The following PRORP variants were observed in gnomAD, a reference collection of about 807,000 sequenced individuals.
PRORP encodes the protein protein only RNase P catalytic subunit.
Under a neutral mutation model 59.4 loss-of-function variants are expected in PRORP, and 51 were observed. The ratio of observed to expected loss-of-function variants is 0.86; its 90% CI spans 0.69 to 1.08. The LOEUF (loss-of-function observed/expected upper bound fraction) is 1.08, where lower values mean the gene tolerates loss of function less well. Among genes scored for constraint, PRORP ranks in the 50% least tolerant of loss-of-function variants. PRORP has a pLI of 0.00. For missense variants in PRORP, 646 were observed against 690.3 expected (o/e 0.94, Z 0.72); for synonymous variants, 231 against 245.6 (o/e 0.94, Z 0.55).
chr14:35,124,237 T>G lies in PRORP; in HGVS notation c.986+6T>G. The G allele has an allele frequency of 6.6e-7, 1 of 1,517,254 alleles. No individual in the cohort carries two copies. The highest frequency in any genetic ancestry group is 8.8e-7 in the Non-Finnish European group (1 of 1,136,994). The allele number at this position is 1,517,254 out of a possible 1,614,324, so 94.0% of individuals were successfully genotyped here. A position where few individuals can be genotyped will look rare whatever the true frequency, so the allele number is the denominator to read the frequency against. On this transcript the variant is annotated splice_donor_region_variant and intron_variant, in intron 2 of 7. Coordinates refer to ENST00000534898, the MANE Select transcript of PRORP (RefSeq NM_014672.4). ...ATAAAAACATGGTTTGAGAGGTAATTTTGGTTTTTTTATATGTATGTTTTT... is the reference window on the plus strand; with the variant it reads ...ATAAAAACATGGTTTGAGAGGTAATGTTGGTTTTTTTATATGTATGTTTTT...
rs1210605585 is a variant in PRORP at position 35,180,534 on chromosome 14, G to T, written c.1168-136G>T. 2.6e-5 allele frequency: 16 copies of T among 603,980 alleles called. No individual in the cohort carries two copies. The Admixed American group carries it at 3.2e-4, about 12-fold the overall frequency. The allele number at this position is 603,980 out of a possible 1,614,324, so 37.4% of individuals were successfully genotyped here. Reference sequence around the variant, plus strand: ...TTTCATTTGTAGAGTATCTGTGTGTGTGTGTGTGTGTGTGTGTATTTTTAA... The same window carrying T: ...TTTCATTTGTAGAGTATCTGTGTGTTTGTGTGTGTGTGTGTGTATTTTTAA... On this transcript the variant is annotated intron_variant, in intron 4 of 7. Coordinates refer to ENST00000534898, the MANE Select transcript of PRORP (RefSeq NM_014672.4).
chr14:35,262,975 G>C (rs546758660), intron 5 of PRORP: 170 of 1,598,634 alleles, frequency 1.1e-4, no homozygotes, highest in Non-Finnish European at 1.4e-4. Flanking sequence ...AAGGATATCA[G>C]GAAATTTTTG....
intron 4 of PRORP, among the ~76,000 whole-genome samples, chr14:35,175,011 C>T (rs532698537): frequency 3.3e-5 from 5 of 150,792 alleles, no homozygotes; most frequent in African/African-American, 2.4e-5. Flanking sequence ...TCTGTCCTTG[C>T]AATAGTTTGC....
chr14:35,145,586 G>A (rs2047584257), intron 4 of PRORP, among the ~76,000 whole-genome samples: 1 of 140,522 alleles, frequency 7.1e-6, no homozygotes, highest in South Asian at 2.4e-4. Flanking sequence ...TGGGCATGGT[G>A]GCATGCGTCT....
intron 5 of PRORP, among the ~76,000 whole-genome samples, chr14:35,247,657 T>G (rs1210245179): frequency 6.6e-6 from 1 of 152,174 alleles, no homozygotes; most frequent in East Asian, 1.9e-4. Context: ...CCTAGAACCC[T>G]AGGGTGAATT....
At chr14:35,258,021 GT>G (rs1485968347) in intron 5 of PRORP, among the ~76,000 whole-genome samples, 1 of 150,676 alleles carries the variant, frequency 6.6e-6, no homozygotes, top group Non-Finnish European at 1.5e-5. Flanking sequence ...CTTTTCATCA[GT>G]TTTATGCCAA....
At chr14:35,135,829 G>A (rs2047357708) in intron 4 of PRORP, among the ~76,000 whole-genome samples, 1 of 151,974 alleles carries the variant, frequency 6.6e-6, no homozygotes, top group African/African-American at 2.4e-5. Flanking sequence ...GTGGTGGCGT[G>A]CACCTGTAGT....
chr14:35,270,494 C>T lies in PRORP; in HGVS notation c.1518C>T (p.Ala506=). The T allele has an allele frequency of 1.9e-6, 3 of 1,614,174 alleles. No individual in the cohort carries two copies. The highest frequency in any genetic ancestry group is 1.7e-6 in the Non-Finnish European group (2 of 1,180,018). The change falls in exon 7 of 8, where the codon GCC becomes GCT. Residue 506 remains alanine (A), a synonymous_variant. Transcript: ENST00000534898. ...ITRDLMRDHK[A]CLPDAKTQRL... The stretch of plus-strand genomic sequence containing the variant: ...GAGACCTGATGCGGGACCACAAGGC[C>T]TGTCTGCCTGATGCCAAGACCCAAC...
chr14:35,230,680 G>A (rs2050055122), intron 5 of PRORP, among the ~76,000 whole-genome samples: 1 of 152,150 alleles, frequency 6.6e-6, no homozygotes, highest in Admixed American at 6.6e-5. Context: ...TGTGAAAGAG[G>A]TATGTGGAAG....
upstream of PRORP, chr14:35,122,026 G>C (rs45622031): frequency 1.4e-3 from 2,131 of 1,572,672 alleles, 6 homozygotes; most frequent in Non-Finnish European, 1.4e-3. Flanking sequence ...ACCAGCTCAG[G>C]CGTCAGCACC....
chr14:35,157,048 T>C (rs1368466763), intron 4 of PRORP, among the ~76,000 whole-genome samples: 249 of 150,490 alleles, frequency 1.7e-3, no homozygotes, highest in Non-Finnish European at 3.1e-3. Flanking sequence ...CTCCGTCTCC[T>C]GGGTTCACGC....
intron 4 of PRORP, among the ~76,000 whole-genome samples, chr14:35,174,004 T>G (rs2048383254): frequency 6.6e-6 from 1 of 152,048 alleles, no homozygotes; most frequent in South Asian, 2.1e-4. Context: ...GGATGGCTGG[T>G]TTCCAAGAGC....
intron 5 of PRORP, among the ~76,000 whole-genome samples, chr14:35,263,441 C>G (rs997984169): frequency 3.9e-5 from 6 of 152,214 alleles, no homozygotes; most frequent in African/African-American, 1.4e-4. Flanking sequence ...AATCCCAGCA[C>G]TTTGCTAGGC....
chr14:35,214,279 G>A (rs7147426), intron 5 of PRORP, among the ~76,000 whole-genome samples: 15,550 of 152,150 alleles, frequency 0.1, 879 homozygotes, highest in African/African-American at 0.15. Flanking sequence ...TTTTTTATGG[G>A]TAGCCATTTG....
chr14:35,270,312 A>G lies in PRORP; in HGVS notation c.1425-89A>G, dbSNP rs1441714607. 7.7e-6 allele frequency: 10 copies of G among 1,296,912 alleles called. No homozygotes were observed. In the East Asian group the frequency reaches 2.3e-4, roughly 30 times the overall value. 80.3% of individuals were successfully genotyped at this position (1,296,912 alleles called of 1,614,324 possible). A position where few individuals can be genotyped will look rare whatever the true frequency, so the allele number is the denominator to read the frequency against. On this transcript the variant is annotated intron_variant, in intron 6 of 7. Transcript: ENST00000534898. The stretch of plus-strand genomic sequence containing the variant: ...TGGTCAAGAAATCAGAGGCACCTCC[A>G]AGGAAAGTAAGTAAAAAGTACGGTG...
chr14:35,224,453 T>C (rs2049880861), intron 5 of PRORP, among the ~76,000 whole-genome samples: 1 of 152,168 alleles, frequency 6.6e-6, no homozygotes, highest in Non-Finnish European at 1.5e-5. Context: ...CCAGTTCCCA[T>C]TTTACTAATG....
chr14:35,164,524 T>G (rs184879193), intron 4 of PRORP, among the ~76,000 whole-genome samples: 2 of 152,254 alleles, frequency 1.3e-5, no homozygotes, highest in East Asian at 3.9e-4. Flanking sequence ...CCTAAGCAAA[T>G]TAATTCAGTA....
intron 5 of PRORP, among the ~76,000 whole-genome samples, chr14:35,259,311 C>T (rs1429840965): frequency 1.3e-5 from 2 of 152,120 alleles, no homozygotes; most frequent in Non-Finnish European, 2.9e-5. Context: ...CTTTTTCCAT[C>T]CCTCTACTTT....
At chr14:35,127,668 A>T in intron 4 of PRORP, 57 bp downstream of exon 4, 1 of 1,587,552 alleles carries the variant, frequency 6.3e-7, no homozygotes, top group South Asian at 1.1e-5. Flanking sequence ...AGGGGTTAGC[A>T]ATTTTTGTAA....
Sources: gnomAD v4.1 joint callset for allele counts (sites outside exome capture counted in the v4.1 genomes callset) on GRCh38, gnomAD v4.1.1 for gene constraint, MANE v1.5 for transcripts, NCBI Gene and HGNC (gene_info 2026-07-23, HGNC 2026-07-21) for gene names.